Variants in GBE1 observed in about 807,000 individuals in gnomAD.
GBE1 encodes the protein 1,4-alpha-glucan-branching enzyme.
In GBE1, 70 loss-of-function variants were observed where a neutral mutation model predicts 88.8. The ratio of observed to expected loss-of-function variants is 0.79; its 90% CI spans 0.65 to 0.96. The LOEUF (loss-of-function observed/expected upper bound fraction) is 0.96, where lower values mean the gene tolerates loss of function less well. GBE1 is among the 40% of genes least tolerant of loss of function. GBE1 has a pLI of 0.00. For missense variants in GBE1, 872 were observed against 871.0 expected (o/e 1.00, Z -0.01); for synonymous variants, 284 against 300.1 (o/e 0.95, Z 0.56).
chr3:81,526,545 C>G (rs1412367322), intron 14 of GBE1, among the ~76,000 whole-genome samples: 2 of 152,102 alleles, frequency 1.3e-5, no homozygotes, highest in Admixed American at 1.3e-4. Flanking sequence ...AAATCATGTG[C>G]AAAAATCACA....
intron 5 of GBE1, among the ~76,000 whole-genome samples, chr3:81,647,747 A>T (rs1394543347): frequency 6.6e-6 from 1 of 152,146 alleles, no homozygotes; most frequent in African/African-American, 2.4e-5. Context: ...CTATATTTGT[A>T]AATACACTTA....
Position 81,593,937 on chromosome 3 carries a change from G to T in GBE1, c.1079C>A (p.Thr360Lys). ...TCCATGGTGATGATAAAGCATGGAC[G>T]TAACACCATCAAAACGAAATCCATC... ...RFDGFRFDGV[T>K]SMLYHHHGVG... Residue 360 changes from threonine (T) to lysine (K), a missense_variant, in exon 8 of 16, where the codon ACG (threonine) becomes AAG (lysine). Physicochemically the swap from Thr to Lys is moderately conservative, Grantham distance 78 (BLOSUM62 -1). Transcript: ENST00000429644. 1 of 1,575,878 alleles carries T rather than the reference G, an allele frequency of 6.3e-7. No individual in the cohort carries two copies. Among genetic ancestry groups the T allele is most frequent in the Non-Finnish European group, 8.6e-7 (1 of 1,157,626 alleles).
At chr3:81,632,416 T>C (rs367656328) in intron 7 of GBE1, among the ~76,000 whole-genome samples, 14 of 152,166 alleles carry the variant, frequency 9.2e-5, no homozygotes, top group African/African-American at 3.1e-4. Flanking sequence ...CAGACACTTT[T>C]CAAAAGAAGA....
intron 14 of GBE1, among the ~76,000 whole-genome samples, chr3:81,506,196 A>T (rs961604819): frequency 6.6e-6 from 1 of 152,136 alleles, no homozygotes; most frequent in Non-Finnish European, 1.5e-5. Flanking sequence ...TCTATAAGGA[A>T]CTCAAATTTA....
intron 14 of GBE1, among the ~76,000 whole-genome samples, chr3:81,501,955 T>C (rs1426814791): frequency 2.0e-5 from 3 of 151,404 alleles, no homozygotes; most frequent in East Asian, 3.9e-4. Flanking sequence ...CACCTCGGCC[T>C]CTTAAAGTGC....
chr3:81,658,539 T>C (rs11917955), intron 3 of GBE1, among the ~76,000 whole-genome samples: 12,976 of 152,178 alleles, frequency 0.085, 1,154 homozygotes, highest in African/African-American at 0.22. Flanking sequence ...TGACTTAGAA[T>C]GATTTAGAGA....
At chr3:81,678,069 G>A (rs1321716957) in intron 2 of GBE1, among the ~76,000 whole-genome samples, 2 of 152,110 alleles carry the variant, frequency 1.3e-5, no homozygotes, top group African/African-American at 4.8e-5. Context: ...GTGTCATTAG[G>A]TAATATCATT....
At chr3:81,713,006 C>CA (rs1486041983) in intron 1 of GBE1, among the ~76,000 whole-genome samples, 1 of 152,068 alleles carries the variant, frequency 6.6e-6, no homozygotes, top group Non-Finnish European at 1.5e-5. Flanking sequence ...AATTATTCGA[C>CA]AAAAATACCC....
intron 14 of GBE1, among the ~76,000 whole-genome samples, chr3:81,501,791 G>A (rs934982654): frequency 2.1e-5 from 3 of 143,700 alleles, no homozygotes; most frequent in Non-Finnish European, 1.5e-5. Context: ...TGCCTCCCTG[G>A]GCTCAAGCAA....
chr3:81,693,515 C>T (rs973739584), intron 2 of GBE1, among the ~76,000 whole-genome samples: 1 of 151,952 alleles, frequency 6.6e-6, no homozygotes, highest in African/African-American at 2.4e-5. Context: ...AGGAAGAAAC[C>T]ATCCATTTCC....
chr3:81,626,169 A>G (rs772763696), intron 7 of GBE1, among the ~76,000 whole-genome samples: 2 of 152,182 alleles, frequency 1.3e-5, no homozygotes, highest in East Asian at 1.9e-4. Flanking sequence ...AAGCACATCT[A>G]TTCTAATTTC....
chr3:81,536,987 C>T lies in GBE1; in HGVS notation c.1727G>A (p.Arg576His), dbSNP rs772010489. Residue 576 changes from arginine to histidine, a missense_variant, in exon 13 of 16, where the codon CGC becomes CAC. By Grantham distance (29) the Arg-to-His change is conservative. Transcript: ENST00000429644. The stretch of plus-strand genomic sequence containing the variant: ...GTCAAAATTATTTAGGAACTTGTAG[C>T]GAAGAAGGTCGTCGTCAGTTAAATG... ...QFHLTDDDLLRYKFLNNFDRD... is the reference protein window; with the variant it reads ...QFHLTDDDLLHYKFLNNFDRD... 7.5e-6 allele frequency: 12 copies of T among 1,591,678 alleles called. No homozygotes were observed. Among genetic ancestry groups the T allele is most frequent in the South Asian group, 3.5e-5 (3 of 86,652 alleles).
chr3:81,703,135 T>C (rs1472622498), intron 2 of GBE1, among the ~76,000 whole-genome samples: 1 of 151,976 alleles, frequency 6.6e-6, no homozygotes, highest in East Asian at 1.9e-4. Context: ...AGAAAACTAG[T>C]GAAATAGAAT....
intron 3 of GBE1, among the ~76,000 whole-genome samples, chr3:81,652,214 G>A (rs1559676648): frequency 6.6e-6 from 1 of 152,244 alleles, no homozygotes; most frequent in African/African-American, 2.4e-5. Context: ...GGGTCATATA[G>A]TGTCACCCCT....
intron 1 of GBE1, among the ~76,000 whole-genome samples, chr3:81,748,064 G>A (rs1409864743): frequency 6.6e-6 from 1 of 152,136 alleles, no homozygotes; most frequent in Non-Finnish European, 1.5e-5. Flanking sequence ...AGGTTGCAGT[G>A]AGCCGAGATC....
At chr3:81,521,195 T>A (rs1482179471) in intron 14 of GBE1, among the ~76,000 whole-genome samples, 5 of 151,544 alleles carry the variant, frequency 3.3e-5, no homozygotes, top group African/African-American at 1.2e-4. Context: ...TGTTCAAAAA[T>A]TCAGACATGT....
chr3:81,739,733 T>C (rs1320573944), intron 1 of GBE1, among the ~76,000 whole-genome samples: 1 of 152,206 alleles, frequency 6.6e-6, no homozygotes, highest in East Asian at 1.9e-4. Context: ...TCCATGAGGC[T>C]TCCAAAACTG....
intron 2 of GBE1, among the ~76,000 whole-genome samples, chr3:81,682,413 G>A (rs148288620): frequency 0.015 from 2,255 of 152,198 alleles, 62 homozygotes; most frequent in African/African-American, 0.051. Flanking sequence ...AGCCAGCCAT[G>A]ATCACACCAC....
chr3:81,577,496 C>G (rs1167606168), intron 12 of GBE1, among the ~76,000 whole-genome samples: 5 of 152,100 alleles, frequency 3.3e-5, no homozygotes, highest in Non-Finnish European at 4.4e-5. Flanking sequence ...CCTAAGTTCA[C>G]ACATTTATAA....
Sources: gnomAD v4.1 joint callset for allele counts (sites outside exome capture counted in the v4.1 genomes callset) on GRCh38, gnomAD v4.1.1 for gene constraint, MANE v1.5 for transcripts, NCBI Gene and HGNC (gene_info 2026-07-23, HGNC 2026-07-21) for gene names.